Variants in INPP4B observed in about 807,000 individuals in gnomAD.
INPP4B encodes inositol polyphosphate 4-phosphatase type II.
In INPP4B, 55 loss-of-function variants were observed where a neutral mutation model predicts 122.5. The ratio of observed to expected loss-of-function variants is 0.45; its 90% CI spans 0.36 to 0.56. The LOEUF is 0.56. Ranked by LOEUF, INPP4B falls within the 20% of genes least tolerant of loss-of-function variation. INPP4B has a pLI of 0.00. For missense variants in INPP4B, 1,000 were observed against 1,097.7 expected (o/e 0.91, Z 1.26); for synonymous variants, 403 against 388.7 (o/e 1.04, Z -0.43).
In INPP4B at chr4:142,464,771, T is replaced by C. The variant is rs115089403; in HGVS notation, c.-190-2045A>G. On this transcript the variant is annotated intron_variant, in intron 2 of 25. Coordinates refer to ENST00000262992, the MANE Select transcript of INPP4B (RefSeq NM_001101669.3). The stretch of plus-strand genomic sequence containing the variant: ...ATATCAAACTTTCACCAGGTAGAAT[T>C]TACAAGATACTTTGGTCTAAATTTT... Among the ~76,000 whole-genome samples, 952 of 152,278 alleles carry C rather than the reference T, an allele frequency of 6.3e-3. 14 individuals carry two copies. The highest frequency in any genetic ancestry group is 0.022 in the African/African-American group (898 of 41,566).
chr4:142,047,377 C>T (rs1752113498), intron 25 of INPP4B, among the ~76,000 whole-genome samples: 1 of 152,002 alleles, frequency 6.6e-6, no homozygotes, highest in Admixed American at 6.6e-5. Context: ...CACGAAGACA[C>T]AGAGCTTGGA....
At chr4:142,192,681 C>T (rs1384664732) in intron 15 of INPP4B, among the ~76,000 whole-genome samples, 6 of 152,132 alleles carry the variant, frequency 3.9e-5, no homozygotes, top group African/African-American at 9.7e-5. Flanking sequence ...AAATGTGCCT[C>T]AGGCCAGCAT....
intron 15 of INPP4B, among the ~76,000 whole-genome samples, chr4:142,182,212 G>A (rs1275694086): frequency 2.0e-5 from 3 of 152,064 alleles, no homozygotes; most frequent in Admixed American, 2.0e-4. Flanking sequence ...AAAATAAGTA[G>A]GAGAATTCAT....
At position 142,028,180 on chromosome 4, in the gene INPP4B, C is replaced by G. The variant is rs1392983493; in HGVS notation, c.*602G>C. ...TGTTGACCACTTTACTCACTCCATGCATATGCCTGTTGCAAGGGAGGAGTC... is the reference window on the plus strand; with the variant it reads ...TGTTGACCACTTTACTCACTCCATGGATATGCCTGTTGCAAGGGAGGAGTC... On this transcript the variant is annotated 3_prime_UTR_variant, in exon 26 of 26. Transcript: ENST00000262992. The G allele has an allele frequency of 4.4e-6, 1 of 229,006 alleles. No individual in the cohort carries two copies. The highest frequency in any genetic ancestry group is 5.7e-5 in the Admixed American group (1 of 17,646). 14.2% of individuals were successfully genotyped at this position (229,006 alleles called of 1,614,324 possible).
At position 142,173,683 on chromosome 4, in the gene INPP4B, G is replaced by A. The variant is rs2152951352; in HGVS notation, c.1308C>T (p.Ser436=). ...THADLLLNSA[S]QHSPDSLKNS... ...TCTTCAAGCTGTCTGGAGAATGCTGGCTTGCAGAATTAAGCAGTAGGTCTG... is the reference window on the plus strand; with the variant it reads ...TCTTCAAGCTGTCTGGAGAATGCTGACTTGCAGAATTAAGCAGTAGGTCTG... Residue 436 remains serine (S), a synonymous_variant, in exon 16 of 26, where the codon AGC becomes AGT. Coordinates refer to ENST00000262992, the MANE Select transcript of INPP4B (RefSeq NM_001101669.3). 6.2e-7 allele frequency: 1 copy of A among 1,613,176 alleles called. No individual in the cohort carries two copies.
chr4:142,421,447 C>T (rs1003680056), intron 5 of INPP4B, among the ~76,000 whole-genome samples: 14 of 152,194 alleles, frequency 9.2e-5, no homozygotes, highest in African/African-American at 3.4e-4. Flanking sequence ...GGCAGTAAGA[C>T]TCAATACTTC....
intron 1 of INPP4B, among the ~76,000 whole-genome samples, chr4:142,821,711 T>A (rs1358735478): frequency 6.6e-6 from 1 of 152,144 alleles, no homozygotes; most frequent in Non-Finnish European, 1.5e-5. Context: ...ATAAATTGAA[T>A]ATAATAACAA....
chr4:142,602,619 A>T (rs1377208545), intron 2 of INPP4B, among the ~76,000 whole-genome samples: 1 of 152,232 alleles, frequency 6.6e-6, no homozygotes, highest in Non-Finnish European at 1.5e-5. Context: ...AAAAAAGCTC[A>T]ACATCACTGA....
chr4:142,290,438 C>T (rs1755939537), intron 9 of INPP4B, among the ~76,000 whole-genome samples: 2 of 151,860 alleles, frequency 1.3e-5, no homozygotes, highest in South Asian at 4.2e-4. Context: ...GAACTCCTGA[C>T]CTGGTGATCG....
intron 2 of INPP4B, among the ~76,000 whole-genome samples, chr4:142,667,004 G>A (rs1756204105): frequency 6.6e-6 from 1 of 152,140 alleles, no homozygotes; most frequent in South Asian, 2.1e-4. Flanking sequence ...AACATGATAT[G>A]TATTTGTCAA....
intron 2 of INPP4B, among the ~76,000 whole-genome samples, chr4:142,596,018 G>A (rs1208510522): frequency 6.6e-6 from 1 of 151,772 alleles, no homozygotes; most frequent in Admixed American, 6.6e-5. Flanking sequence ...CCAGCTAATT[G>A]TTGTATTTTT....
At chr4:142,700,027 T>G (rs939004739) in intron 2 of INPP4B, among the ~76,000 whole-genome samples, 1 of 152,118 alleles carries the variant, frequency 6.6e-6, no homozygotes, top group African/African-American at 2.4e-5. Context: ...AAAATTTTAT[T>G]CAGCAACCAC....
intron 24 of INPP4B, among the ~76,000 whole-genome samples, chr4:142,084,843 A>T (rs1366661835): frequency 3.3e-5 from 5 of 152,198 alleles, no homozygotes. Flanking sequence ...AATGTACATA[A>T]TGACACATTT....
chr4:142,206,903 C>G (rs1473071232), intron 14 of INPP4B, among the ~76,000 whole-genome samples: 2 of 152,088 alleles, frequency 1.3e-5, no homozygotes, highest in Non-Finnish European at 2.9e-5. Context: ...CTCTCTAGGA[C>G]TTATTCATTT....
chr4:142,534,403 A>G (rs529833683), intron 2 of INPP4B, among the ~76,000 whole-genome samples: 7 of 152,210 alleles, frequency 4.6e-5, no homozygotes, highest in African/African-American at 1.4e-4. Context: ...CACCCTTATC[A>G]AGGGGCTCAA....
intron 2 of INPP4B, among the ~76,000 whole-genome samples, chr4:142,592,572 TTTC>T (rs1329857456): frequency 6.6e-6 from 1 of 152,218 alleles, no homozygotes; most frequent in African/African-American, 2.4e-5. Flanking sequence ...TATATTAAGT[TTTC>T]TTCTTTCTAT....
At chr4:142,150,272 A>G (rs1813108301) in intron 17 of INPP4B, among the ~76,000 whole-genome samples, 1 of 152,194 alleles carries the variant, frequency 6.6e-6, no homozygotes, top group Non-Finnish European at 1.5e-5. Context: ...AGACAACGGT[A>G]GCATAAGAAT....
intron 1 of INPP4B, among the ~76,000 whole-genome samples, chr4:142,755,891 T>G (rs1770438046): frequency 6.6e-6 from 1 of 152,042 alleles, no homozygotes; most frequent in African/African-American, 2.4e-5. Flanking sequence ...ACCCAGAAAT[T>G]GTTCCCCACA....
At chr4:142,480,382 A>AC (rs1267843610) in intron 2 of INPP4B, among the ~76,000 whole-genome samples, 2 of 152,044 alleles carry the variant, frequency 1.3e-5, no homozygotes, top group African/African-American at 4.8e-5. Flanking sequence ...CCTGAGAGAG[A>AC]CCCCACCACA....
Sources: gnomAD v4.1 joint callset for allele counts (sites outside exome capture counted in the v4.1 genomes callset) on GRCh38, gnomAD v4.1.1 for gene constraint, MANE v1.5 for transcripts, NCBI Gene and HGNC (gene_info 2026-07-23, HGNC 2026-07-21) for gene names.